The following ATF7IP2 variants were observed in gnomAD, a reference collection of about 807,000 sequenced individuals.
The protein encoded by ATF7IP2 is activating transcription factor 7 interacting protein 2.
A neutral mutation model predicts 64.2 loss-of-function variants in ATF7IP2; 42 were observed. The observed-to-expected ratio is 0.65, with a 90% CI of 0.51 to 0.85. The LOEUF is 0.85. Ranked by LOEUF, ATF7IP2 falls within the 40% of genes least tolerant of loss-of-function variation. The pLI, the probability that ATF7IP2 is intolerant of heterozygous loss-of-function variation, is 0.00. For synonymous variants in ATF7IP2, 308 were observed against 272.8 expected, an observed-to-expected ratio of 1.13 and a Z score of -1.27; for missense variants, 933 against 784.2, an observed-to-expected ratio of 1.19 and a Z score of -2.27.
At chr16:10,389,728 T>G (rs1270762511) in intron 1 of ATF7IP2, among the ~76,000 whole-genome samples, 1 of 152,226 alleles carries the variant, frequency 6.6e-6, no homozygotes, top group African/African-American at 2.4e-5. Flanking sequence ...AGCAACTGCT[T>G]TATTTCATAA....
chr16:10,434,487 A>G (rs1321731223), intron 6 of ATF7IP2, among the ~76,000 whole-genome samples: 4 of 152,334 alleles, frequency 2.6e-5, no homozygotes, highest in Non-Finnish European at 4.4e-5. Context: ...GACCATTACA[A>G]TTACATAGTT....
At chr16:10,461,283 A>G (rs1157224144) in intron 9 of ATF7IP2, among the ~76,000 whole-genome samples, 1 of 152,148 alleles carries the variant, frequency 6.6e-6, no homozygotes, top group Non-Finnish European at 1.5e-5. Flanking sequence ...GAAAATTGGC[A>G]TTATCTGGAA....
intron 8 of ATF7IP2, among the ~76,000 whole-genome samples, chr16:10,453,823 G>T (rs936776195): frequency 1.3e-5 from 2 of 151,938 alleles, no homozygotes; most frequent in African/African-American, 4.8e-5. Flanking sequence ...CTCCATGTTG[G>T]TCAGGCTGGT....
At position 10,457,531 on chromosome 16, in the gene ATF7IP2, T is replaced by C; in HGVS notation, c.1352+2T>C. The stretch of plus-strand genomic sequence containing the variant: ...TCAAAATAAGTCTGTTTCTGAAAGG[T>C]AGGTGTTTCTGCAAAAATGCATAAA... On this transcript the variant is annotated splice_donor_variant, in intron 9 of 13. Coordinates refer to ENST00000562102, the MANE Select transcript of ATF7IP2 (RefSeq NM_001393719.1). LOFTEE classifies it high-confidence loss of function. The C allele has an allele frequency of 6.5e-7, 1 of 1,548,078 alleles. No individual in the cohort carries two copies. Among genetic ancestry groups the C allele is most frequent in the South Asian group, 1.3e-5 (1 of 78,350 alleles).
At chr16:10,404,386 G>A (rs1194912398) in intron 1 of ATF7IP2, among the ~76,000 whole-genome samples, 1 of 152,140 alleles carries the variant, frequency 6.6e-6, no homozygotes, top group African/African-American at 2.4e-5. Flanking sequence ...CCGAGTAGCT[G>A]GGATTACAGG....
At position 10,482,442 on chromosome 16, in the gene ATF7IP2, T is replaced by A; in HGVS notation, c.*193T>A. ...GTTTGTATTAAATATGTCCTTCCAATGGATAAGTTCTAAAACATACGCTAT... is the reference window on the plus strand; with the variant it reads ...GTTTGTATTAAATATGTCCTTCCAAAGGATAAGTTCTAAAACATACGCTAT... On this transcript the variant is annotated 3_prime_UTR_variant, in exon 14 of 14. Coordinates refer to ENST00000562102, the MANE Select transcript of ATF7IP2 (RefSeq NM_001393719.1). The A allele has an allele frequency of 4.0e-6, 2 of 496,688 alleles. No individual in the cohort carries two copies. The highest frequency in any genetic ancestry group is 7.0e-6 in the Non-Finnish European group (2 of 283,960). 30.8% of individuals were successfully genotyped at this position (496,688 alleles called of 1,614,324 possible).
chr16:10,387,732 AAATG>A (rs2047229823), intron 1 of ATF7IP2: 1 of 152,198 alleles, frequency 6.6e-6, no homozygotes, highest in South Asian at 2.1e-4. Context: ...ATACAACTTT[AAATG>A]CGCAAGAGTA....
At chr16:10,469,905 AAG>A (rs1460958121) in intron 9 of ATF7IP2, among the ~76,000 whole-genome samples, 1 of 151,988 alleles carries the variant, frequency 6.6e-6, no homozygotes, top group African/African-American at 2.4e-5. Context: ...AAAAAAAAAA[AAG>A]TCCATTCAGA....
Position 10,390,133 on chromosome 16 carries a change from A to C in ATF7IP2, c.-242+4011A>C, listed in dbSNP as rs1312154953. Among the ~76,000 whole-genome samples the C allele has an allele frequency of 2.6e-5, 4 of 152,272 alleles. No homozygotes were observed. The East Asian group carries it at 7.7e-4, about 29-fold the overall frequency. On this transcript the variant is annotated intron_variant, in intron 1 of 13. Transcript: ENST00000562102. ...ATTTAATGAGAATTGTTCTTATTAAAGTGTTTATTATGTATTAAGATACTA... is the reference window on the plus strand; with the variant it reads ...ATTTAATGAGAATTGTTCTTATTAACGTGTTTATTATGTATTAAGATACTA...
chr16:10,402,808 C>G (rs902964394), intron 1 of ATF7IP2, among the ~76,000 whole-genome samples: 8 of 151,778 alleles, frequency 5.3e-5, no homozygotes, highest in African/African-American at 1.5e-4. Flanking sequence ...GGTACAGTGG[C>G]TCCCTCTGTA....
chr16:10,430,373 G>C (rs1018676820), intron 4 of ATF7IP2, among the ~76,000 whole-genome samples: 1 of 152,122 alleles, frequency 6.6e-6, no homozygotes, highest in African/African-American at 2.4e-5. Flanking sequence ...ATCAGGTAGA[G>C]GCTTACTAGC....
intron 9 of ATF7IP2, among the ~76,000 whole-genome samples, chr16:10,463,052 C>T (rs1040619207): frequency 2.6e-5 from 4 of 152,132 alleles, no homozygotes; most frequent in African/African-American, 7.2e-5. Flanking sequence ...GCCATCCAAG[C>T]GTTGTACATT....
At chr16:10,429,424 C>T (rs1037363033) in intron 4 of ATF7IP2, among the ~76,000 whole-genome samples, 1 of 152,248 alleles carries the variant, frequency 6.6e-6, no homozygotes, top group Non-Finnish European at 1.5e-5. Flanking sequence ...GATCTCGGCT[C>T]ACTGCAACCT....
At chr16:10,450,899 C>T (rs570264519) in intron 8 of ATF7IP2, among the ~76,000 whole-genome samples, 12 of 152,310 alleles carry the variant, frequency 7.9e-5, no homozygotes, top group African/African-American at 2.6e-4. Flanking sequence ...GATGCAGTTT[C>T]TTCACAGTGT....
chr16:10,456,613 A>G (rs1256903806), intron 8 of ATF7IP2, among the ~76,000 whole-genome samples: 1 of 152,104 alleles, frequency 6.6e-6, no homozygotes, highest in Non-Finnish European at 1.5e-5. Flanking sequence ...TGCCGGTGCC[A>G]CCTCAATCCC....
At chr16:10,473,647 A>G in intron 11 of ATF7IP2, 113 bp downstream of exon 11, 1 of 767,846 alleles carries the variant, frequency 1.3e-6, no homozygotes, top group South Asian at 1.8e-5. Flanking sequence ...TACACACTGA[A>G]AAGCAGACAG....
At chr16:10,463,571 C>T (rs745656232) in intron 9 of ATF7IP2, among the ~76,000 whole-genome samples, 13 of 152,110 alleles carry the variant, frequency 8.5e-5, no homozygotes, top group African/African-American at 3.1e-4. Context: ...GTGAACAAGC[C>T]GTTTTAGGCT....
intron 9 of ATF7IP2, among the ~76,000 whole-genome samples, chr16:10,471,751 C>T (rs973493305): frequency 4.6e-5 from 7 of 152,168 alleles, no homozygotes; most frequent in Admixed American, 3.9e-4. Flanking sequence ...TAATAGATTT[C>T]CTTCATTACA....
chr16:10,460,375 G>A (rs1432742777), intron 9 of ATF7IP2, among the ~76,000 whole-genome samples: 5 of 152,094 alleles, frequency 3.3e-5, no homozygotes, highest in Non-Finnish European at 4.4e-5. Context: ...ACTTTATGAC[G>A]TGATTCTAAA....
Sources: gnomAD v4.1 joint callset for allele counts (sites outside exome capture counted in the v4.1 genomes callset) on GRCh38, gnomAD v4.1.1 for gene constraint, MANE v1.5 for transcripts, NCBI Gene and HGNC (gene_info 2026-07-23, HGNC 2026-07-21) for gene names.